Variants in CDKL4 observed in about 807,000 individuals in gnomAD.
The protein encoded by CDKL4 is cyclin dependent kinase like 4, also known as cyclin-dependent kinase-like 4.
CDKL4 carries 44 observed loss-of-function variants against 42.0 expected under a neutral mutation model. The observed-to-expected ratio is 1.05, with a 90% CI of 0.82 to 1.35. The LOEUF is 1.35. CDKL4 is among the 40% of genes most tolerant of loss of function. The pLI, the probability that CDKL4 is intolerant of heterozygous loss-of-function variation, is 0.00. For synonymous variants in CDKL4, 120 were observed against 121.6 expected (o/e 0.99, Z 0.09); for missense variants, 393 against 369.9 (o/e 1.06, Z -0.51).
At chr2:39,182,166 T>G (rs1478970212) in intron 8 of CDKL4, among the ~76,000 whole-genome samples, 6 of 152,060 alleles carry the variant, frequency 3.9e-5, no homozygotes, top group Admixed American at 1.3e-4. Flanking sequence ...TTATTTTTTA[T>G]GTTTTGTAGA....
At chr2:39,191,736 C>A (rs896643413) in intron 5 of CDKL4, among the ~76,000 whole-genome samples, 1 of 152,200 alleles carries the variant, frequency 6.6e-6, no homozygotes, top group African/African-American at 2.4e-5. Flanking sequence ...CACTGCCCAG[C>A]CCTGCCCTAT....
rs1431625556 is a variant in CDKL4 at position 39,226,782 on chromosome 2, C to CT, written c.169-823dup. The stretch of plus-strand genomic sequence containing the variant: ...ATAATTCAGCATACACACCAGGACA[C>CT]TTTTTTTTTTTCCTTGCTCTGTCGC... On this transcript the variant is annotated intron_variant, in intron 2 of 9. Transcript: ENST00000451199. Among the ~76,000 whole-genome samples the CT allele has an allele frequency of 1.9e-4, 28 of 147,730 alleles. No individual in the cohort carries two copies. The South Asian group carries it at 1.9e-3, about 10-fold the overall frequency.
intron 9 of CDKL4, chr2:39,178,874 A>AT: frequency 6.8e-7 from 1 of 1,469,776 alleles, no homozygotes; most frequent in Non-Finnish European, 9.0e-7. Flanking sequence ...TGGAATCAGC[A>AT]TTTTATTATA....
chr2:39,240,646 G>A (rs1679614909), intron 1 of CDKL4, among the ~76,000 whole-genome samples: 3 of 134,158 alleles, frequency 2.2e-5, no homozygotes, highest in African/African-American at 8.4e-5. Flanking sequence ...GCAACAAAAA[G>A]GAATGAACTT....
At chr2:39,245,066 A>G (rs185702950), upstream of CDKL4, among the ~76,000 whole-genome samples, 230 of 152,320 alleles carry the variant, frequency 1.5e-3, 2 homozygotes, top group African/African-American at 5.2e-3. Context: ...CGTGGGTGGG[A>G]CCAAATAAGA....
chr2:39,172,077 G>A (rs186876708), downstream of CDKL4, among the ~76,000 whole-genome samples: 395 of 152,220 alleles, frequency 2.6e-3, 8 homozygotes, highest in East Asian at 0.024. Flanking sequence ...TTGGGAGGCC[G>A]AGGCAGGCGG....
At chr2:39,220,359 C>G (rs894605024) in intron 3 of CDKL4, among the ~76,000 whole-genome samples, 1 of 152,116 alleles carries the variant, frequency 6.6e-6, no homozygotes, top group African/African-American at 2.4e-5. Context: ...CTCAAGGTCT[C>G]CAAACCTTAA....
downstream of CDKL4, among the ~76,000 whole-genome samples, chr2:39,174,141 A>T (rs1176749176): frequency 6.6e-6 from 1 of 151,872 alleles, no homozygotes; most frequent in Non-Finnish European, 1.5e-5. Flanking sequence ...GTGTTGGCGC[A>T]CTCCCGTAAT....
downstream of CDKL4, among the ~76,000 whole-genome samples, chr2:39,175,270 G>C (rs1198683217): frequency 1.3e-5 from 2 of 152,188 alleles, no homozygotes; most frequent in East Asian, 3.8e-4. Flanking sequence ...GAGGAGAAAA[G>C]GATAAGGAAT....
chr2:39,214,850 T>A (rs1677818883), intron 3 of CDKL4, among the ~76,000 whole-genome samples: 1 of 152,158 alleles, frequency 6.6e-6, no homozygotes, highest in Non-Finnish European at 1.5e-5. Flanking sequence ...GGCAGACTCA[T>A]CCCTCTGTAT....
At chr2:39,191,306 G>C (rs1364954126) in intron 5 of CDKL4, among the ~76,000 whole-genome samples, 1 of 152,192 alleles carries the variant, frequency 6.6e-6, no homozygotes, top group Admixed American at 6.5e-5. Context: ...AGCTGAGGCA[G>C]GAGAATCACT....
At chr2:39,220,358 T>C (rs1678229011) in intron 3 of CDKL4, among the ~76,000 whole-genome samples, 1 of 152,214 alleles carries the variant, frequency 6.6e-6, no homozygotes, top group South Asian at 2.1e-4. Flanking sequence ...CCTCAAGGTC[T>C]CCAAACCTTA....
rs538266802 is a variant in CDKL4 at position 39,216,194 on chromosome 2, C to T, written c.291-2722G>A. On this transcript the variant is annotated intron_variant, in intron 3 of 9. Coordinates refer to ENST00000451199, the Ensembl canonical transcript of CDKL4. The stretch of plus-strand genomic sequence containing the variant: ...ATAAGTTATTTGAGTAATCTATCCC[C>T]TCAATGTCTGGTTTTAACACCCACA... Among the ~76,000 whole-genome samples the T allele has an allele frequency of 4.6e-5, 7 of 152,286 alleles. No individual in the cohort carries two copies. In the South Asian group the frequency reaches 1.5e-3, roughly 32 times the overall value.
At chr2:39,182,486 G>T (rs1033078697) in intron 8 of CDKL4, among the ~76,000 whole-genome samples, 3 of 152,174 alleles carry the variant, frequency 2.0e-5, no homozygotes, top group African/African-American at 7.2e-5. Flanking sequence ...TAGAATTGAG[G>T]CTTCTGAGTC....
At chr2:39,232,772 G>A (rs1177702385) in intron 1 of CDKL4, among the ~76,000 whole-genome samples, 4 of 152,072 alleles carry the variant, frequency 2.6e-5, no homozygotes, top group African/African-American at 4.8e-5. Flanking sequence ...CTAGCTGGGC[G>A]TGGTGGCTCA....
chr2:39,201,974 G>T (rs1366869859), intron 5 of CDKL4, among the ~76,000 whole-genome samples: 1 of 152,136 alleles, frequency 6.6e-6, no homozygotes. Context: ...GCTAACACAT[G>T]TAATCCCAGC....
At chr2:39,187,939 A>G (rs1239437060) in intron 6 of CDKL4, among the ~76,000 whole-genome samples, 1 of 151,900 alleles carries the variant, frequency 6.6e-6, no homozygotes, top group Non-Finnish European at 1.5e-5. Context: ...GTGGTGGTCC[A>G]TGCCTGTAAT....
chr2:39,201,304 T>TAAAA lies in CDKL4; in HGVS notation c.454+3219_454+3222dup, dbSNP rs139925872. On this transcript the variant is annotated intron_variant, in intron 5 of 9. Coordinates refer to ENST00000451199, the Ensembl canonical transcript of CDKL4. ...GCAAGAATGGCTATAACCAAAAAAA[T>TAAAA]AAAAAAAAAAAAACTACAGATGTTG... 3.5e-4 allele frequency among the ~76,000 whole-genome samples: 51 copies of TAAAA among 145,404 alleles called. 2 individuals carry two copies. Among genetic ancestry groups the TAAAA allele is most frequent in the African/African-American group, 1.3e-3 (49 of 39,132 alleles).
intron 1 of CDKL4, among the ~76,000 whole-genome samples, chr2:39,233,299 C>T (rs1353567477): frequency 2.0e-5 from 3 of 151,986 alleles, no homozygotes; most frequent in African/African-American, 7.3e-5. Flanking sequence ...TAGATCAGAA[C>T]ACTCACTACA....
Sources: gnomAD v4.1 joint callset for allele counts (sites outside exome capture counted in the v4.1 genomes callset) on GRCh38, gnomAD v4.1.1 for gene constraint, MANE v1.5 for transcripts, NCBI Gene and HGNC (gene_info 2026-07-23, HGNC 2026-07-21) for gene names.